DGKB: variants seen among roughly 807,000 people sequenced by gnomAD.
DGKB encodes diacylglycerol kinase beta.
DGKB carries 67 observed loss-of-function variants against 114.3 expected under a neutral mutation model. That is an observed-to-expected ratio of 0.59 (90% CI 0.48 to 0.72). The LOEUF is 0.72. DGKB is among the 30% of genes least tolerant of loss of function. The pLI is 0.00. For missense variants in DGKB, 907 were observed against 975.2 expected, an observed-to-expected ratio of 0.93 and a Z score of 0.93; for synonymous variants, 398 against 323.1, an observed-to-expected ratio of 1.23 and a Z score of -2.49.
intron 23 of DGKB, among the ~76,000 whole-genome samples, chr7:14,221,847 A>G (rs760551979): frequency 2.6e-5 from 4 of 151,404 alleles, no homozygotes; most frequent in Non-Finnish European, 4.4e-5. Flanking sequence ...ACACTTATCA[A>G]TTCAGATTGA....
chr7:14,394,609 T>A (rs1821938775), intron 21 of DGKB, among the ~76,000 whole-genome samples: 1 of 152,136 alleles, frequency 6.6e-6, no homozygotes, highest in African/African-American at 2.4e-5. Context: ...GAATGCCATG[T>A]AAGTTGTTGT....
intron 6 of DGKB, among the ~76,000 whole-genome samples, chr7:14,704,250 A>G (rs1464716726): frequency 6.7e-6 from 1 of 148,460 alleles, no homozygotes; most frequent in Non-Finnish European, 1.5e-5. Flanking sequence ...CCTGTCTAAC[A>G]CGGTGAAACC....
At chr7:14,485,084 GACACACACACACCACAC>G (rs1052764843) in intron 20 of DGKB, among the ~76,000 whole-genome samples, 12 of 114,966 alleles carry the variant, frequency 1.0e-4, no homozygotes, top group African/African-American at 3.7e-4. Flanking sequence ...ATTACTGAAA[GACACACACACACCACAC>G]ACACACACAC....
At chr7:14,896,096 T>C (rs888637356) in intron 1 of DGKB, among the ~76,000 whole-genome samples, 3 of 151,740 alleles carry the variant, frequency 2.0e-5, no homozygotes, top group Admixed American at 6.6e-5. Context: ...TAGAAACTAA[T>C]AGGTTTCCTC....
At chr7:14,868,337 T>C (rs980116835) in intron 1 of DGKB, among the ~76,000 whole-genome samples, 5 of 87,076 alleles carry the variant, frequency 5.7e-5, no homozygotes, top group Non-Finnish European at 1.1e-4. Context: ...TTCTTTCCTT[T>C]TCATTTTTTT....
At chr7:14,374,395 G>A (rs961975030) in intron 21 of DGKB, among the ~76,000 whole-genome samples, 13 of 152,106 alleles carry the variant, frequency 8.5e-5, no homozygotes, top group African/African-American at 1.2e-4. Context: ...TTGATAGAGT[G>A]CTTTAACAGT....
At chr7:14,419,580 T>G (rs886532013) in intron 21 of DGKB, among the ~76,000 whole-genome samples, 1 of 151,464 alleles carries the variant, frequency 6.6e-6, no homozygotes, top group Non-Finnish European at 1.5e-5. Flanking sequence ...TTCCACATTA[T>G]CCTTAAAGTT....
chr7:14,862,853 A>G (rs1052081157), intron 1 of DGKB, among the ~76,000 whole-genome samples: 26 of 152,094 alleles, frequency 1.7e-4, no homozygotes, highest in Admixed American at 5.2e-4. Flanking sequence ...GTTTTATTTC[A>G]GCCACTTTAA....
chr7:14,762,051 G>C (rs1209762884), intron 2 of DGKB, among the ~76,000 whole-genome samples: 1 of 152,064 alleles, frequency 6.6e-6, no homozygotes, highest in Admixed American at 6.6e-5. Context: ...ACAAATTACT[G>C]CCCTTTGACT....
At chr7:14,816,024 C>G (rs940354639) in intron 2 of DGKB, among the ~76,000 whole-genome samples, 2 of 152,096 alleles carry the variant, frequency 1.3e-5, no homozygotes, top group Admixed American at 6.6e-5. Context: ...CCACAAAGTC[C>G]TATTCTTTCA....
intron 2 of DGKB, among the ~76,000 whole-genome samples, chr7:14,809,408 T>A (rs1161179615): frequency 6.6e-6 from 1 of 152,072 alleles, no homozygotes; most frequent in Non-Finnish European, 1.5e-5. Flanking sequence ...GAGGAAGTCA[T>A]GAAGTTAAAG....
chr7:14,902,624 C>A lies in DGKB; in HGVS notation c.-220G>T, dbSNP rs754910774. ...TGATGCAGGCGAAAGCTGAGCGCAT[C>A]TCTGAAGCGAGAGCCACTGCTTTTC... On this transcript the variant is annotated 5_prime_UTR_variant, in exon 1 of 26. Coordinates refer to ENST00000402815, the MANE Select transcript of DGKB (RefSeq NM_001350709.2). 2.6e-5 allele frequency: 4 copies of A among 152,298 alleles called. No homozygotes were observed. Among genetic ancestry groups the A allele is most frequent in the Non-Finnish European group, 5.9e-5 (4 of 68,106 alleles). The allele number at this position is 152,298 out of a possible 1,614,324, so 9.4% of individuals were successfully genotyped here. A position where few individuals can be genotyped will look rare whatever the true frequency, so the allele number is the denominator to read the frequency against.
intron 21 of DGKB, among the ~76,000 whole-genome samples, chr7:14,353,945 A>G (rs900944905): frequency 6.6e-6 from 1 of 152,140 alleles, no homozygotes; most frequent in African/African-American, 2.4e-5. Context: ...TAATTTTTTT[A>G]AAAAACATGA....
intron 21 of DGKB, among the ~76,000 whole-genome samples, chr7:14,466,650 A>G (rs1780515099): frequency 1.3e-5 from 2 of 150,512 alleles, no homozygotes; most frequent in South Asian, 4.2e-4. Flanking sequence ...TAAACCAAAA[A>G]AAAAAAAAAA....
chr7:14,639,777 A>G (rs1279100868), intron 13 of DGKB, among the ~76,000 whole-genome samples: 1 of 152,070 alleles, frequency 6.6e-6, no homozygotes, highest in Middle Eastern at 3.2e-3. Context: ...GTTTTTTTCT[A>G]AAGAACTTTT....
chr7:14,368,057 G>T (rs1414906707), intron 21 of DGKB, among the ~76,000 whole-genome samples: 5 of 151,918 alleles, frequency 3.3e-5, no homozygotes, highest in Admixed American at 1.3e-4. Flanking sequence ...TTTTTAAATA[G>T]AATTCATTTT....
At chr7:14,150,570 T>C (rs1192864065) in intron 25 of DGKB, among the ~76,000 whole-genome samples, 2 of 152,082 alleles carry the variant, frequency 1.3e-5, no homozygotes, top group African/African-American at 4.8e-5. Flanking sequence ...CAGTGTTCTC[T>C]TTCCTGCAAA....
At chr7:14,431,408 T>C (rs770809725) in intron 21 of DGKB, among the ~76,000 whole-genome samples, 6 of 152,156 alleles carry the variant, frequency 3.9e-5, no homozygotes, top group Non-Finnish European at 8.8e-5. Flanking sequence ...AAGTTGAATA[T>C]TAGCAATTTA....
intron 13 of DGKB, among the ~76,000 whole-genome samples, chr7:14,652,555 A>C (rs1382899180): frequency 6.6e-6 from 1 of 151,392 alleles, no homozygotes; most frequent in East Asian, 1.9e-4. Context: ...CCCTAGAAGA[A>C]AACCTAGGCT....
Sources: allele counts gnomAD v4.1 joint callset (sites outside exome capture counted in the v4.1 genomes callset), GRCh38; gene constraint gnomAD v4.1.1; transcripts MANE v1.5; gene names NCBI Gene and HGNC (gene_info 2026-07-23, HGNC 2026-07-21).